Variants in MTA3 observed in about 807,000 individuals in gnomAD.
The protein encoded by MTA3 is metastasis-associated protein MTA3.
In MTA3, 34 loss-of-function variants were observed where a neutral mutation model predicts 83.5. That is an observed-to-expected ratio of 0.41 (90% CI 0.31 to 0.54). The LOEUF (loss-of-function observed/expected upper bound fraction) is 0.54, where lower values mean the gene tolerates loss of function less well. Ranked by LOEUF, MTA3 falls within the 20% of genes least tolerant of loss-of-function variation. The pLI, the probability that MTA3 is intolerant of heterozygous loss-of-function variation, is 0.33. For missense variants in MTA3, 761 were observed against 726.4 expected (o/e 1.05, Z -0.55); for synonymous variants, 303 against 252.7 (o/e 1.20, Z -1.89).
intron 8 of MTA3, among the ~76,000 whole-genome samples, chr2:42,681,480 A>G (rs1192864248): frequency 1.3e-5 from 2 of 152,088 alleles, no homozygotes; most frequent in East Asian, 3.8e-4. Flanking sequence ...TGTATCTTGC[A>G]CAAGAGCTGA....
intron 8 of MTA3, among the ~76,000 whole-genome samples, chr2:42,665,429 T>C (rs1690150504): frequency 1.3e-5 from 2 of 152,132 alleles, no homozygotes; most frequent in Non-Finnish European, 2.9e-5. Flanking sequence ...TTACAGTACT[T>C]ACATTGATCC....
chr2:42,748,472 G>C (rs944278378), intron 16 of MTA3, among the ~76,000 whole-genome samples: 2 of 152,024 alleles, frequency 1.3e-5, no homozygotes, highest in Non-Finnish European at 2.9e-5. Context: ...TTCTTCTACA[G>C]TATCAAATCT....
At chr2:42,724,559 G>T (rs1394767011) in intron 16 of MTA3, among the ~76,000 whole-genome samples, 1 of 150,704 alleles carries the variant, frequency 6.6e-6, no homozygotes, top group Non-Finnish European at 1.5e-5. Flanking sequence ...TGGGAGGATC[G>T]ATTGAGCCCA....
intron 5 of MTA3, among the ~76,000 whole-genome samples, chr2:42,641,098 G>C (rs1439772091): frequency 6.6e-6 from 1 of 151,846 alleles, no homozygotes; most frequent in African/African-American, 2.4e-5. Flanking sequence ...GTAGAGATGG[G>C]GTTTTGCCAT....
intron 3 of MTA3, among the ~76,000 whole-genome samples, chr2:42,602,442 G>T (rs1341910343): frequency 6.6e-6 from 1 of 152,220 alleles, no homozygotes; most frequent in African/African-American, 2.4e-5. Context: ...TGTGGTGGAA[G>T]AAACTTGTCA....
intron 3 of MTA3, among the ~76,000 whole-genome samples, chr2:42,581,321 G>T (rs778274605): frequency 6.6e-6 from 1 of 150,742 alleles, no homozygotes; most frequent in Non-Finnish European, 1.5e-5. Flanking sequence ...CAAAGTGTTC[G>T]GATTACAGGT....
intron 4 of MTA3, among the ~76,000 whole-genome samples, chr2:42,634,674 A>AT (rs1408812438): frequency 1.3e-5 from 2 of 151,886 alleles, no homozygotes; most frequent in South Asian, 2.1e-4. Flanking sequence ...AAATTTTGTT[A>AT]TTTTTTTAAA....
At position 42,552,727 on chromosome 2, in the gene MTA3, G is replaced by A. The variant is rs185440187; in HGVS notation, c.-140-17710G>A. On this transcript the variant is annotated intron_variant, in intron 2 of 17. Transcript: ENST00000405592. ...AGCATTTTGTGAGGCCGAGGTGGGC[G>A]GATCATGAGGTCAAGAGATAGAGGC... is the stretch of plus-strand genomic sequence containing the variant. Among the ~76,000 whole-genome samples the A allele has an allele frequency of 1.6e-3, 242 of 151,856 alleles. 1 individual carries two copies. The highest frequency in any genetic ancestry group is 2.7e-3 in the South Asian group (13 of 4,798).
chr2:42,615,314 G>A (rs1344329584), intron 4 of MTA3, among the ~76,000 whole-genome samples: 2 of 150,588 alleles, frequency 1.3e-5, no homozygotes, highest in East Asian at 3.9e-4. Flanking sequence ...AGCCATTCAG[G>A]ATTTGAACCT....
chr2:42,570,005 G>C (rs1264436309), intron 1 of MTA3: 1 of 151,070 alleles, frequency 6.6e-6, no homozygotes, highest in Non-Finnish European at 1.5e-5. Flanking sequence ...GGACTGTGAA[G>C]CCTTTCTCCC....
chr2:42,644,875 T>A (rs113147054), intron 6 of MTA3, among the ~76,000 whole-genome samples: 3,428 of 152,240 alleles, frequency 0.023, 122 homozygotes, highest in African/African-American at 0.076. Flanking sequence ...CTTCCCTGCC[T>A]CTTTCTCTCT....
chr2:42,755,983 C>T lies in MTA3; in HGVS notation c.*2584C>T, dbSNP rs1670212623. 1 of 985,420 alleles carries T rather than the reference C, an allele frequency of 1.0e-6. No individual in the cohort carries two copies. The allele number at this position is 985,420 out of a possible 1,614,324, so 61.0% of individuals were successfully genotyped here. A position where few individuals can be genotyped will look rare whatever the true frequency, so the allele number is the denominator to read the frequency against. Reference sequence around the variant, plus strand: ...TTTCAGCCTGCCCTTCACAATTCCCCTTGTGCACAGCCCAGTTTCCATCTC... The same window carrying T: ...TTTCAGCCTGCCCTTCACAATTCCCTTTGTGCACAGCCCAGTTTCCATCTC... On this transcript the variant is annotated 3_prime_UTR_variant, in exon 17 of 17. Transcript: ENST00000405094.
At chr2:42,517,535 T>G (rs1160410910) in intron 2 of MTA3, among the ~76,000 whole-genome samples, 1 of 146,476 alleles carries the variant, frequency 6.8e-6, no homozygotes, top group Non-Finnish European at 1.5e-5. Flanking sequence ...ATCATGCCAT[T>G]GCACTCCAGC....
chr2:42,589,421 A>G (rs550590352), intron 3 of MTA3, among the ~76,000 whole-genome samples: 1 of 152,346 alleles, frequency 6.6e-6, no homozygotes, highest in East Asian at 1.9e-4. Context: ...AGTAACCTTA[A>G]TGGCAAAGCC....
At chr2:42,648,102 A>G (rs912438776) in intron 6 of MTA3, among the ~76,000 whole-genome samples, 2 of 152,206 alleles carry the variant, frequency 1.3e-5, no homozygotes, top group Non-Finnish European at 2.9e-5. Flanking sequence ...TGGCCTCCCA[A>G]GGTGCTGGGA....
At chr2:42,660,365 G>C (rs910473652) in intron 8 of MTA3, among the ~76,000 whole-genome samples, 1 of 152,152 alleles carries the variant, frequency 6.6e-6, no homozygotes, top group Non-Finnish European at 1.5e-5. Flanking sequence ...GGGATTACAG[G>C]CATGAGCCAC....
chr2:42,749,613 G>A (rs1269028738), intron 16 of MTA3, among the ~76,000 whole-genome samples: 2 of 151,604 alleles, frequency 1.3e-5, no homozygotes, highest in Non-Finnish European at 2.9e-5. Flanking sequence ...AATTTCGGGT[G>A]GCCACCACCA....
At chr2:42,587,680 G>A (rs1436016932) in intron 3 of MTA3, among the ~76,000 whole-genome samples, 2 of 151,950 alleles carry the variant, frequency 1.3e-5, no homozygotes, top group Non-Finnish European at 2.9e-5. Flanking sequence ...CACTGAAACC[G>A]CTGCCTTGAG....
At chr2:42,607,902 G>C (rs1254480233) in intron 3 of MTA3, among the ~76,000 whole-genome samples, 1 of 152,216 alleles carries the variant, frequency 6.6e-6, no homozygotes, top group Non-Finnish European at 1.5e-5. Context: ...AGTGAGCCGA[G>C]ATTGTGCTAC....
Sources: gnomAD v4.1 joint callset for allele counts (sites outside exome capture counted in the v4.1 genomes callset) on GRCh38, gnomAD v4.1.1 for gene constraint, MANE v1.5 for transcripts, NCBI Gene and HGNC (gene_info 2026-07-23, HGNC 2026-07-21) for gene names.